Variants in ZSCAN22 observed in about 807,000 individuals in gnomAD.
ZSCAN22 encodes the protein zinc finger and SCAN domain containing 22.
Under a neutral mutation model 12.4 loss-of-function variants are expected in ZSCAN22, and 7 were observed. The observed-to-expected ratio is 0.57, with a 90% CI of 0.32 to 1.06. The LOEUF (loss-of-function observed/expected upper bound fraction) is 1.06, where lower values mean the gene tolerates loss of function less well. Ranked by LOEUF, ZSCAN22 falls within the 50% of genes least tolerant of loss-of-function variation. The pLI is 0.04. For missense variants in ZSCAN22, 576 were observed against 631.7 expected (o/e 0.91, Z 0.94); for synonymous variants, 243 against 255.9 (o/e 0.95, Z 0.48).
At position 58,338,297 on chromosome 19, in the gene ZSCAN22, GA is replaced by G. The variant is rs772225439; in HGVS notation, c.448del (p.Ser150ValfsTer190). The G allele has an allele frequency of 1.0e-4, 168 of 1,609,262 alleles. No individual in the cohort carries two copies. Among genetic ancestry groups the G allele is most frequent in the Non-Finnish European group, 1.1e-4 (134 of 1,176,362 alleles). On this transcript the variant is annotated frameshift_variant, in exon 3 of 3. Coordinates refer to ENST00000329665, the MANE Select transcript of ZSCAN22 (RefSeq NM_181846.3). LOFTEE classifies it low-confidence loss of function (END_TRUNC). This position sits in a 1 kb window ranked among gnomAD's most constrained non-coding sequence, Gnocchi z 5.4. ...AGCCCACAGAGGCAAGCTGCAAGCA[GA>G]GTGACCTGGGAGAGTCAGAGCCATC... Reference protein sequence around the residue: ...AEPTEASCKQSDLGESEPSNV... With the variant: ...AEPTEASCKQXDLGESEPSNV...
At chr19:58,334,177 CGTGGGTTTGT>C (rs763201753) in intron 1 of ZSCAN22, among the ~76,000 whole-genome samples, 4 of 152,210 alleles carry the variant, frequency 2.6e-5, no homozygotes, top group Admixed American at 6.5e-5. Flanking sequence ...TGTAGGTTTG[CGTGGGTTTGT>C]AGCTTAGCTC....
At chr19:58,332,063 G>C (rs527346818) in intron 1 of ZSCAN22, among the ~76,000 whole-genome samples, 1 of 151,510 alleles carries the variant, frequency 6.6e-6, no homozygotes, top group African/African-American at 2.4e-5. Flanking sequence ...AGTATAGATG[G>C]GGTTTCTCCA....
In ZSCAN22 at chr19:58,338,424, G is replaced by A. The variant is rs747089524; in HGVS notation, c.574G>A (p.Glu192Lys). ...CTCAGAGAGGTCTGGACTATCAGGG[G>A]AGATCTGGACAAAGTCTGTCACCCA... ...GSSERSGLSGEIWTKSVTQQI... is the reference protein window; with the variant it reads ...GSSERSGLSGKIWTKSVTQQI... The change falls in exon 3 of 3, where the codon GAG (glutamate) becomes AAG (lysine). Residue 192 changes from glutamate to lysine, a missense_variant. Physicochemically the swap from Glu to Lys is moderately conservative, Grantham distance 56. Coordinates refer to ENST00000329665, the MANE Select transcript of ZSCAN22 (RefSeq NM_181846.3). The surrounding 1 kb of genome is among the most constrained non-coding windows in gnomAD (Gnocchi z 5.4). 7 of 1,614,178 alleles carry A rather than the reference G, an allele frequency of 4.3e-6. No homozygotes were observed. Among genetic ancestry groups the A allele is most frequent in the Non-Finnish European group, 5.9e-6 (7 of 1,180,036 alleles).
rs1209799903 is a variant in ZSCAN22, at chr19:58,340,858, G to GC, written c.*1535dup. 6.6e-6 allele frequency: 1 copy of GC among 151,988 alleles called. No homozygotes were observed. The allele number at this position is 151,988 out of a possible 1,614,324, so 9.4% of individuals were successfully genotyped here. ...GCTCTCCGGGAGCAGACTTCAGCTT[G>GC]CCCTCTCTGCTTCCAGAGCACCTCC... On this transcript the variant is annotated 3_prime_UTR_variant, in exon 3 of 3. Coordinates refer to ENST00000329665, the MANE Select transcript of ZSCAN22 (RefSeq NM_181846.3).
rs1021680126 is a variant in ZSCAN22, at chr19:58,338,215, G to A, written c.404-39G>A. ...CTCGGCAGAGTAGGGGAGGCTTGGT[G>A]TGGTAGGAGGAGTGACAGTGTGGTT... On this transcript the variant is annotated intron_variant, in intron 2 of 2. Coordinates refer to ENST00000329665, the MANE Select transcript of ZSCAN22 (RefSeq NM_181846.3). This position sits in a 1 kb window ranked among gnomAD's most constrained non-coding sequence, Gnocchi z 5.4. 1.9e-6 allele frequency: 3 copies of A among 1,540,414 alleles called. No individual in the cohort carries two copies. The highest frequency in any genetic ancestry group is 1.9e-5 in the Admixed American group (1 of 53,362).
intron 1 of ZSCAN22, among the ~76,000 whole-genome samples, chr19:58,334,495 T>C (rs1438920055): frequency 1.3e-5 from 2 of 152,196 alleles, no homozygotes; most frequent in African/African-American, 4.8e-5. Flanking sequence ...TTGTTTTGTA[T>C]TTTTAGTAGA....
At position 58,335,108 on chromosome 19, in the gene ZSCAN22, C is replaced by T. The variant is rs1412684802; in HGVS notation, c.306C>T (p.Pro102=). Residue 102 remains proline, a synonymous_variant, in exon 2 of 3, where the codon CCC becomes CCT. Transcript: ENST00000329665. This position sits in a 1 kb window ranked among gnomAD's most constrained non-coding sequence, Gnocchi z 4.1. The stretch of plus-strand genomic sequence containing the variant: ...TGGAGCAGTTCCTGGGTGCGCTGCC[C>T]CCAGAGATCCAAGCCTGGGTGGGAG... ...LVLEQFLGAL[P]PEIQAWVGAQ... is the part of the protein sequence containing the mutation. 8.7e-6 allele frequency: 14 copies of T among 1,613,944 alleles called. No homozygotes were observed. The highest frequency in any genetic ancestry group is 1.3e-5 in the African/African-American group (1 of 74,906).
Position 58,334,969 on chromosome 19 carries a change from G to A in ZSCAN22, c.167G>A (p.Arg56His), listed in dbSNP as rs377154990. The A allele has an allele frequency of 2.4e-4, 385 of 1,613,940 alleles. No individual in the cohort carries two copies. The highest frequency in any genetic ancestry group is 3.0e-4 in the Non-Finnish European group (351 of 1,180,034). ...GCACGCCTGCGCTTCCGGCACTTCCGCTATGAGGAGGCATCTGGTCCACAC... is the reference window on the plus strand; with the variant it reads ...GCACGCCTGCGCTTCCGGCACTTCCACTATGAGGAGGCATCTGGTCCACAC... ...EAARLRFRHF[R>H]YEEASGPHEA... Residue 56 changes from arginine to histidine, a missense_variant, in exon 2 of 3, where the codon CGC becomes CAC. Physicochemically the swap from Arg to His is conservative, Grantham distance 29. Transcript: ENST00000329665.
rs1324861102 is a variant in ZSCAN22, at chr19:58,340,157, A to C, written c.*831A>C. On this transcript the variant is annotated 3_prime_UTR_variant, in exon 3 of 3. Coordinates refer to ENST00000329665, the MANE Select transcript of ZSCAN22 (RefSeq NM_181846.3). ...CCAGGGGACTCTTGATATTACTTAG[A>C]TCTGACTGTGTCACTCCAAGGTGGA... 6.6e-6 allele frequency: 1 copy of C among 152,138 alleles called. No individual in the cohort carries two copies. The highest frequency in any genetic ancestry group is 6.6e-5 in the Admixed American group (1 of 15,252). The allele number at this position is 152,138 out of a possible 1,614,324, so 9.4% of individuals were successfully genotyped here. A position where few individuals can be genotyped will look rare whatever the true frequency, so the allele number is the denominator to read the frequency against.
At position 58,339,063 on chromosome 19, in the gene ZSCAN22, G is replaced by C. The variant is rs531732834; in HGVS notation, c.1213G>C (p.Glu405Gln). 1.4e-5 allele frequency: 23 copies of C among 1,614,208 alleles called. No individual in the cohort carries two copies. The South Asian group carries it at 2.4e-4, about 17-fold the overall frequency. ...TCAACACCAGCGCATCCACACCGGG[G>C]AGAAGCCCTACAAGTGTGACGCGTG... is the stretch of plus-strand genomic sequence containing the variant. ...LTQHQRIHTG[E>Q]KPYKCDACGR... The change falls in exon 3 of 3, where the codon GAG becomes CAG. Residue 405 changes from glutamate (E) to glutamine (Q), a missense_variant. Transcript: ENST00000329665. This position sits in a 1 kb window ranked among gnomAD's most constrained non-coding sequence, Gnocchi z 5.6.
At position 58,340,077 on chromosome 19, in the gene ZSCAN22, C is replaced by T. The variant is rs1030964308; in HGVS notation, c.*751C>T. On this transcript the variant is annotated 3_prime_UTR_variant, in exon 3 of 3. Transcript: ENST00000329665. ...CATTGCCTCTTGCCTGGATTATAGCCGGGGTCTCCTTCCTGACCACTTCCT... is the reference window on the plus strand; with the variant it reads ...CATTGCCTCTTGCCTGGATTATAGCTGGGGTCTCCTTCCTGACCACTTCCT... 4.6e-5 allele frequency: 7 copies of T among 152,370 alleles called. No individual in the cohort carries two copies. The highest frequency in any genetic ancestry group is 1.9e-4 in the East Asian group (1 of 5,202). 9.4% of individuals were successfully genotyped at this position (152,370 alleles called of 1,614,324 possible).
At chr19:58,334,298 G>C (rs754447865) in intron 1 of ZSCAN22, among the ~76,000 whole-genome samples, 4 of 152,130 alleles carry the variant, frequency 2.6e-5, no homozygotes, top group Admixed American at 6.5e-5. Flanking sequence ...CACCTCCTGA[G>C]TTTGTTGTAA....
At chr19:58,328,457 C>T (rs2051682563) in intron 1 of ZSCAN22, among the ~76,000 whole-genome samples, 1 of 152,182 alleles carries the variant, frequency 6.6e-6, no homozygotes, top group South Asian at 2.1e-4. Flanking sequence ...ATCCATACAT[C>T]TACTGCATGT....
intron 1 of ZSCAN22, among the ~76,000 whole-genome samples, chr19:58,331,518 G>GTTATTA (rs74179462): frequency 0.067 from 7,977 of 119,260 alleles, 291 homozygotes; most frequent in South Asian, 0.084. Flanking sequence ...TCCAGCTGAC[G>GTTATTA]TTATTATTAT....
rs899932335 is a variant in ZSCAN22, at chr19:58,340,393, C to T, written c.*1067C>T. On this transcript the variant is annotated 3_prime_UTR_variant, in exon 3 of 3. Transcript: ENST00000329665. ...ACCAGCCACACGGAACTACTGTGGT[C>T]CCTGAAGGAGCCATACATTTTCCCA... The T allele has an allele frequency of 6.6e-6, 1 of 152,374 alleles. No individual in the cohort carries two copies. The highest frequency in any genetic ancestry group is 1.5e-5 in the Non-Finnish European group (1 of 68,152). The allele number at this position is 152,374 out of a possible 1,614,324, so 9.4% of individuals were successfully genotyped here. A position where few individuals can be genotyped will look rare whatever the true frequency, so the allele number is the denominator to read the frequency against.
At chr19:58,333,897 C>G (rs1351485787) in intron 1 of ZSCAN22, among the ~76,000 whole-genome samples, 2 of 152,050 alleles carry the variant, frequency 1.3e-5, no homozygotes, top group African/African-American at 4.8e-5. Flanking sequence ...GAAATTGTAA[C>G]AGAAATTAGA....
In ZSCAN22 at chr19:58,336,107, C is replaced by A. The variant is rs150761747; in HGVS notation, c.403+902C>A. 4.0e-4 allele frequency among the ~76,000 whole-genome samples: 61 copies of A among 152,280 alleles called. 1 individual carries two copies. In the East Asian group the frequency reaches 0.011, roughly 27 times the overall value. On this transcript the variant is annotated intron_variant, in intron 2 of 2. Coordinates refer to ENST00000329665, the MANE Select transcript of ZSCAN22 (RefSeq NM_181846.3). ...CATCATCAAGGCTCAGTAGATCCAA[C>A]CGCTGCTGCTCTTCCTGGCCATGTG... is the stretch of plus-strand genomic sequence containing the variant.
chr19:58,327,512 A>G (rs2051668247), intron 1 of ZSCAN22, among the ~76,000 whole-genome samples: 1 of 151,738 alleles, frequency 6.6e-6, no homozygotes, highest in African/African-American at 2.4e-5. Flanking sequence ...GACAGATAAC[A>G]GATAAAATGT....
In ZSCAN22 at chr19:58,341,228, C is replaced by T. The variant is rs968282077; in HGVS notation, c.*1902C>T. The stretch of plus-strand genomic sequence containing the variant: ...ATGCAGTGGCCTCAATAAAATGTGA[C>T]TGTATTGAGTCATTTTCTAGGGCCC... On this transcript the variant is annotated 3_prime_UTR_variant, in exon 3 of 3. Transcript: ENST00000329665. 6.6e-6 allele frequency: 1 copy of T among 152,184 alleles called. No individual in the cohort carries two copies. 9.4% of individuals were successfully genotyped at this position (152,184 alleles called of 1,614,324 possible).
Sources: allele counts gnomAD v4.1 joint callset (sites outside exome capture counted in the v4.1 genomes callset), GRCh38; gene constraint gnomAD v4.1.1; non-coding constraint Gnocchi (gnomAD v3.1); transcripts MANE v1.5; gene names NCBI Gene and HGNC (gene_info 2026-07-23, HGNC 2026-07-21).